Variants in STK4 observed in about 807,000 individuals in gnomAD.
The protein encoded by STK4 is serine/threonine kinase 4, also known as serine/threonine-protein kinase 4.
STK4 carries 30 observed loss-of-function variants against 64.9 expected under a neutral mutation model. The observed-to-expected ratio is 0.46, with a 90% CI of 0.35 to 0.63. The LOEUF is 0.63. Ranked by LOEUF, STK4 falls within the 20% of genes least tolerant of loss-of-function variation. The probability of loss-of-function intolerance (pLI) is 0.01; values close to 1 mark genes in which losing one functional copy is unlikely to be tolerated. For synonymous variants in STK4, 177 were observed against 199.0 expected, an observed-to-expected ratio of 0.89 and a Z score of 0.93; for missense variants, 466 against 598.5, an observed-to-expected ratio of 0.78 and a Z score of 2.31.
chr20:45,016,744 G>C (rs961991343), intron 9 of STK4, among the ~76,000 whole-genome samples: 1 of 152,148 alleles, frequency 6.6e-6, no homozygotes, highest in Non-Finnish European at 1.5e-5. Context: ...CTCCAGTATA[G>C]TTATATTGGT....
At chr20:44,980,077 T>C (rs1257451378) in intron 3 of STK4, among the ~76,000 whole-genome samples, 1 of 152,200 alleles carries the variant, frequency 6.6e-6, no homozygotes, top group Non-Finnish European at 1.5e-5. Flanking sequence ...TTTGGGAGTT[T>C]ATAGACTAAT....
intron 9 of STK4, among the ~76,000 whole-genome samples, chr20:45,003,620 G>A (rs1017855397): frequency 6.6e-6 from 1 of 152,020 alleles, no homozygotes; most frequent in African/African-American, 2.4e-5. Context: ...AAATGTTAAG[G>A]GAGGCTATGC....
chr20:45,050,402 C>A (rs565798406), intron 10 of STK4, among the ~76,000 whole-genome samples: 1 of 152,156 alleles, frequency 6.6e-6, no homozygotes, highest in East Asian at 1.9e-4. Context: ...AGCTGATGGT[C>A]ATTTAGGTAG....
chr20:45,023,568 C>A (rs1327195247), intron 9 of STK4, among the ~76,000 whole-genome samples: 1 of 152,172 alleles, frequency 6.6e-6, no homozygotes, highest in Non-Finnish European at 1.5e-5. Context: ...AAAATACTTC[C>A]TGTATTTCCC....
chr20:45,058,013 A>G (rs192567140), intron 10 of STK4, among the ~76,000 whole-genome samples: 104 of 152,138 alleles, frequency 6.8e-4, no homozygotes, highest in Admixed American at 1.8e-3. Flanking sequence ...AACCAGAAAA[A>G]TGAACAAATG....
At chr20:45,054,254 G>A (rs1178341461) in intron 10 of STK4, among the ~76,000 whole-genome samples, 2 of 152,146 alleles carry the variant, frequency 1.3e-5, no homozygotes, top group Non-Finnish European at 2.9e-5. Context: ...TAGATGTTGG[G>A]TGACATTTCA....
At position 44,968,202 on chromosome 20, in the gene STK4, A is replaced by G. The variant is rs549012783; in HGVS notation, c.35+1599A>G. On this transcript the variant is annotated intron_variant, in intron 1 of 10. Transcript: ENST00000372806. ...GCCCAGTCTGAAGTGCAGTGGCGCA[A>G]TCTCGGCTCACTGCTACTTCCGCCT... 6.6e-5 allele frequency among the ~76,000 whole-genome samples: 10 copies of G among 152,040 alleles called. 1 individual carries two copies. The South Asian group carries it at 1.9e-3, about 28-fold the overall frequency.
chr20:45,059,933 C>G (rs1390167173), intron 10 of STK4, among the ~76,000 whole-genome samples: 3 of 152,144 alleles, frequency 2.0e-5, no homozygotes, highest in African/African-American at 7.2e-5. Context: ...TGATTACATA[C>G]TTTCAAAGCT....
chr20:45,062,922 C>G (rs1979192749), intron 10 of STK4, among the ~76,000 whole-genome samples: 2 of 146,734 alleles, frequency 1.4e-5, no homozygotes, highest in East Asian at 3.9e-4. Context: ...AATCTCCTGA[C>G]CTCGTGATCC....
At chr20:44,994,381 T>C (rs915411560) in intron 5 of STK4, among the ~76,000 whole-genome samples, 1 of 151,872 alleles carries the variant, frequency 6.6e-6, no homozygotes, top group Non-Finnish European at 1.5e-5. Flanking sequence ...ATTATATATA[T>C]TTTCCTTTTA....
chr20:45,025,135 G>A lies in STK4; in HGVS notation c.1305+5G>A. ...CAGGATGGAGACTACGAGTTTGTAA[G>A]TAGTGTTGGAAGTAAATGGTTATGT... On this transcript the variant is annotated splice_donor_5th_base_variant and intron_variant, in intron 10 of 10. Coordinates refer to ENST00000372806, the MANE Select transcript of STK4 (RefSeq NM_006282.5). 6.2e-7 allele frequency: 1 copy of A among 1,605,322 alleles called. No homozygotes were observed. Among genetic ancestry groups the A allele is most frequent in the Non-Finnish European group, 8.5e-7 (1 of 1,176,404 alleles).
At chr20:45,031,227 G>C (rs1434974917) in intron 10 of STK4, among the ~76,000 whole-genome samples, 1 of 151,876 alleles carries the variant, frequency 6.6e-6, no homozygotes, top group Admixed American at 6.6e-5. Flanking sequence ...AAGGCCTGTG[G>C]AGAGACAGGA....
chr20:44,985,836 CAA>C (rs1464351568), intron 4 of STK4, among the ~76,000 whole-genome samples: 3 of 152,090 alleles, frequency 2.0e-5, no homozygotes, highest in Non-Finnish European at 4.4e-5. Context: ...AAAGTAGAGC[CAA>C]GAGTAAAAGC....
chr20:45,008,117 C>T (rs1459981192), intron 9 of STK4, among the ~76,000 whole-genome samples: 6 of 152,178 alleles, frequency 3.9e-5, no homozygotes, highest in East Asian at 1.9e-4. Context: ...TGCGTTGGCA[C>T]GACCTCGACT....
intron 4 of STK4, among the ~76,000 whole-genome samples, chr20:44,985,195 ATGACT>A (rs1175633123): frequency 2.0e-5 from 3 of 152,166 alleles, no homozygotes; most frequent in Non-Finnish European, 4.4e-5. Flanking sequence ...TTTGGCATAA[ATGACT>A]TAACTTGTCT....
At chr20:45,014,245 C>T (rs1042436995) in intron 9 of STK4, among the ~76,000 whole-genome samples, 6 of 151,612 alleles carry the variant, frequency 4.0e-5, no homozygotes, top group South Asian at 4.2e-4. Context: ...ACCAGCATGG[C>T]GAAACCCCAT....
chr20:45,043,669 A>G (rs983559838), intron 10 of STK4, among the ~76,000 whole-genome samples: 10 of 152,220 alleles, frequency 6.6e-5, no homozygotes, highest in Admixed American at 5.2e-4. Flanking sequence ...CAGTCAAAGA[A>G]AGTGCTCATT....
chr20:45,024,830 A>G lies in STK4; in HGVS notation c.1148-143A>G, dbSNP rs183725137. On this transcript the variant is annotated intron_variant, in intron 9 of 10. Coordinates refer to ENST00000372806, the MANE Select transcript of STK4 (RefSeq NM_006282.5). ...GGATTTGTGCATTTTTTGTAGTTTCACTAGATTCTTGAAGGAGTCCTTTAT... is the reference window on the plus strand; with the variant it reads ...GGATTTGTGCATTTTTTGTAGTTTCGCTAGATTCTTGAAGGAGTCCTTTAT... 3.6e-6 allele frequency: 3 copies of G among 831,604 alleles called. No individual in the cohort carries two copies. In the East Asian group the frequency reaches 1.0e-4, roughly 28 times the overall value. 51.5% of individuals were successfully genotyped at this position (831,604 alleles called of 1,614,324 possible).
chr20:44,988,202 C>G (rs967400700), intron 5 of STK4, among the ~76,000 whole-genome samples: 1 of 151,610 alleles, frequency 6.6e-6, no homozygotes, highest in Admixed American at 6.6e-5. Flanking sequence ...AAAAATACAC[C>G]CTCTGATGGT....
Sources: allele counts gnomAD v4.1 joint callset (sites outside exome capture counted in the v4.1 genomes callset), GRCh38; gene constraint gnomAD v4.1.1; transcripts MANE v1.5; gene names NCBI Gene and HGNC (gene_info 2026-07-23, HGNC 2026-07-21).